The following WWP1 variants were observed in gnomAD, a reference collection of about 807,000 sequenced individuals.
WWP1 encodes NEDD4-like E3 ubiquitin-protein ligase WWP1.
A neutral mutation model predicts 130.6 loss-of-function variants in WWP1; 49 were observed. That is an observed-to-expected ratio of 0.38 (90% CI 0.30 to 0.48). The LOEUF (loss-of-function observed/expected upper bound fraction) is 0.48. Among genes scored for constraint, WWP1 ranks in the 20% least tolerant of loss-of-function variants. The pLI, the probability that WWP1 is intolerant of heterozygous loss-of-function variation, is 0.99. For missense variants in WWP1, 809 were observed against 1,100.6 expected (o/e 0.74, Z 3.75); for synonymous variants, 332 against 367.8 (o/e 0.90, Z 1.11).
At position 86,369,008 on chromosome 8, in the gene WWP1, G is replaced by A. The variant is rs1320865780; in HGVS notation, c.-45G>A. The A allele has an allele frequency of 6.6e-6, 1 of 152,174 alleles. No homozygotes were observed. Among genetic ancestry groups the A allele is most frequent in the African/African-American group, 2.4e-5 (1 of 41,450 alleles). 9.4% of individuals were successfully genotyped at this position (152,174 alleles called of 1,614,324 possible). ...TGTCTTACTCATCTTTGTATCCCCA[G>A]TGTCTAGCAGTTCCTGATACATAGT... On this transcript the variant is annotated 5_prime_UTR_variant, in exon 2 of 25. It adds an upstream start codon to the 5' untranslated region. Transcript: ENST00000517970.
At chr8:86,360,134 C>A (rs1823500168) in intron 1 of WWP1, among the ~76,000 whole-genome samples, 1 of 146,348 alleles carries the variant, frequency 6.8e-6, no homozygotes, top group South Asian at 2.1e-4. Context: ...CAGACTGAGA[C>A]TCCGTCTCAA....
intron 9 of WWP1, among the ~76,000 whole-genome samples, chr8:86,413,537 G>A (rs865932722): frequency 2.6e-5 from 4 of 152,192 alleles, no homozygotes; most frequent in Non-Finnish European, 5.9e-5. Context: ...GAATACTTTC[G>A]AAAGCTATGA....
chr8:86,435,623 T>C lies in WWP1; in HGVS notation c.1678-10T>C, dbSNP rs1810248250. The C allele has an allele frequency of 6.2e-7, 1 of 1,612,912 alleles. No individual in the cohort carries two copies. Among genetic ancestry groups the C allele is most frequent in the Non-Finnish European group, 8.5e-7 (1 of 1,179,466 alleles). The stretch of plus-strand genomic sequence containing the variant: ...CTCAGATGATATTATGATATTATTT[T>C]TGTTTTTAGTCTAATGCACTACCTA... On this transcript the variant is annotated splice_polypyrimidine_tract_variant and intron_variant, in intron 15 of 24. Transcript: ENST00000517970.
At chr8:86,350,226 C>T (rs1204602995) in intron 1 of WWP1, among the ~76,000 whole-genome samples, 14 of 152,180 alleles carry the variant, frequency 9.2e-5, no homozygotes, top group Admixed American at 9.2e-4. Context: ...TATCACTTAA[C>T]CTTATCCACT....
chr8:86,380,608 C>T lies in WWP1; in HGVS notation c.71-118C>T, dbSNP rs982331628. The T allele has an allele frequency of 2.6e-6, 3 of 1,147,314 alleles. No individual in the cohort carries two copies. The African/African-American group carries it at 4.8e-5, about 18-fold the overall frequency. 71.1% of individuals were successfully genotyped at this position (1,147,314 alleles called of 1,614,324 possible). On this transcript the variant is annotated intron_variant, in intron 3 of 24. Transcript: ENST00000517970. ...AGCCCTTTTGTATTGTTTCTTCATT[C>T]TGCCAACGAGAAGAGTTCTAGTTGC... is the stretch of plus-strand genomic sequence containing the variant.
rs142962904 is a variant in WWP1, at chr8:86,394,221, A to G, written c.335-4121A>G. On this transcript the variant is annotated intron_variant, in intron 5 of 24. Transcript: ENST00000517970. ...TGTGAAACATGTTTTCAACAAATCCATGATTTATAGAACAGATTACCTAGT... is the reference window on the plus strand; with the variant it reads ...TGTGAAACATGTTTTCAACAAATCCGTGATTTATAGAACAGATTACCTAGT... Among the ~76,000 whole-genome samples the G allele has an allele frequency of 3.5e-3, 527 of 152,348 alleles. 6 individuals carry two copies. Among genetic ancestry groups the G allele is most frequent in the African/African-American group, 0.012 (497 of 41,584 alleles).
chr8:86,426,912 A>T lies in WWP1; in HGVS notation c.1158-731A>T, dbSNP rs1478926206. Among the ~76,000 whole-genome samples, 3 of 152,082 alleles carry T rather than the reference A, an allele frequency of 2.0e-5. No individual in the cohort carries two copies. The East Asian group carries it at 5.8e-4, about 29-fold the overall frequency. ...GGTGGCTCATGCCTGTAATCCCCACACTTTGGGAGGCCAAGAGGTGGGAGG... is the reference window on the plus strand; with the variant it reads ...GGTGGCTCATGCCTGTAATCCCCACTCTTTGGGAGGCCAAGAGGTGGGAGG... On this transcript the variant is annotated intron_variant, in intron 10 of 24. Transcript: ENST00000517970.
intron 1 of WWP1, among the ~76,000 whole-genome samples, chr8:86,349,980 C>T (rs1199699411): frequency 6.6e-6 from 1 of 152,038 alleles, no homozygotes; most frequent in African/African-American, 2.4e-5. Flanking sequence ...CCAGAGTGAG[C>T]AACCTGTCCC....
intron 1 of WWP1, among the ~76,000 whole-genome samples, chr8:86,354,733 G>A (rs1823156132): frequency 6.6e-6 from 1 of 152,106 alleles, no homozygotes; most frequent in Non-Finnish European, 1.5e-5. Context: ...AGGTGTGTGA[G>A]GGGCTTTCTT....
intron 9 of WWP1, among the ~76,000 whole-genome samples, chr8:86,420,538 G>GACCT (rs1809144251): frequency 6.6e-6 from 1 of 151,948 alleles, no homozygotes; most frequent in Non-Finnish European, 1.5e-5. Context: ...GCAGGAAAGA[G>GACCT]ACCTGCAGCT....
intron 9 of WWP1, among the ~76,000 whole-genome samples, chr8:86,416,717 A>C (rs926714333): frequency 6.6e-6 from 1 of 152,084 alleles, no homozygotes; most frequent in African/African-American, 2.4e-5. Context: ...GGCAGTTATA[A>C]ATTAGAGTTC....
At chr8:86,451,426 T>C (rs1165645334) in intron 20 of WWP1, among the ~76,000 whole-genome samples, 1 of 151,672 alleles carries the variant, frequency 6.6e-6, no homozygotes, top group African/African-American at 2.4e-5. Context: ...GAATAGAAGG[T>C]GAGAAAATGA....
At chr8:86,444,333 T>C (rs1009975433) in intron 18 of WWP1, among the ~76,000 whole-genome samples, 3 of 152,168 alleles carry the variant, frequency 2.0e-5, no homozygotes, top group Admixed American at 6.5e-5. Flanking sequence ...CTTGTTAAGT[T>C]TGAAGTAGAC....
chr8:86,452,427 C>A, intron 20 of WWP1, 132 bp from the exon 21 acceptor site: 1 of 735,540 alleles, frequency 1.4e-6, no homozygotes, highest in Non-Finnish European at 2.1e-6. Context: ...CATATACACA[C>A]ACATCACATT....
intron 1 of WWP1, among the ~76,000 whole-genome samples, chr8:86,355,004 G>A (rs2130141942): frequency 6.6e-6 from 1 of 152,160 alleles, no homozygotes; most frequent in East Asian, 1.9e-4. Context: ...TTGACAGACA[G>A]GAAAACTGAG....
intron 5 of WWP1, among the ~76,000 whole-genome samples, chr8:86,388,547 TAATC>T (rs1284685517): frequency 6.6e-6 from 1 of 152,240 alleles, no homozygotes; most frequent in East Asian, 1.9e-4. Context: ...TGATATAATC[TAATC>T]ATATTGCCTT....
intron 3 of WWP1, among the ~76,000 whole-genome samples, chr8:86,380,343 A>T (rs1586305093): frequency 6.6e-6 from 1 of 151,598 alleles, no homozygotes; most frequent in Admixed American, 6.6e-5. Context: ...CTGCCTAGGG[A>T]TGGGGGTGGG....
intron 4 of WWP1, 122 bp from the exon 5 acceptor site, chr8:86,381,383 A>G: frequency 8.2e-7 from 1 of 1,224,530 alleles, no homozygotes; most frequent in Non-Finnish European, 1.1e-6. Context: ...TTTCTTCTCA[A>G]ATAAATGAAA....
chr8:86,425,463 G>A lies in WWP1; in HGVS notation c.1157+145G>A, dbSNP rs1464634473. 3 of 568,872 alleles carry A rather than the reference G, an allele frequency of 5.3e-6. No individual in the cohort carries two copies. In the African/African-American group the frequency reaches 5.8e-5, roughly 11 times the overall value. 35.2% of individuals were successfully genotyped at this position (568,872 alleles called of 1,614,324 possible). Reference sequence around the variant, plus strand: ...TCCTTATATAAATAATGAATGTTCAGTCAATGAGATTAGATAATCTGTAGG... The same window carrying A: ...TCCTTATATAAATAATGAATGTTCAATCAATGAGATTAGATAATCTGTAGG... On this transcript the variant is annotated intron_variant, in intron 10 of 24. Coordinates refer to ENST00000517970, the MANE Select transcript of WWP1 (RefSeq NM_007013.4).
Sources: gnomAD v4.1 joint callset for allele counts (sites outside exome capture counted in the v4.1 genomes callset) on GRCh38, gnomAD v4.1.1 for gene constraint, MANE v1.5 for transcripts, NCBI Gene and HGNC (gene_info 2026-07-23, HGNC 2026-07-21) for gene names.